Variants in OR5AP2 observed in about 807,000 individuals in gnomAD.
OR5AP2 encodes olfactory receptor 5AP2.
For synonymous variants in OR5AP2, 142 were observed against 140.8 expected (o/e 1.01, Z -0.06); for missense variants, 409 against 378.9 (o/e 1.08, Z -0.66).
chr11:56,642,421 C>A lies in OR5AP2; in HGVS notation c.19G>T (p.Val7Phe). Residue 7 changes from valine to phenylalanine, a missense_variant, in exon 1 of 1, where the codon GTT becomes TTT. Val to Phe is a conservative substitution (Grantham distance 50). Transcript: ENST00000544374. MRLMKE[V>F]RGRNQTEVTE... ...ACTTCTGTTTGATTTCTGCCTCGAA[C>A]CTCTTTCATAAGTCTCATCATTTGA... is the stretch of plus-strand genomic sequence containing the variant. 1 of 1,598,094 alleles carries A rather than the reference C, an allele frequency of 6.3e-7. No individual in the cohort carries two copies. Among genetic ancestry groups the A allele is most frequent in the Non-Finnish European group, 8.5e-7 (1 of 1,177,044 alleles).
chr11:56,642,147 A>G lies in OR5AP2; in HGVS notation c.293T>C (p.Ile98Thr), dbSNP rs376181146. ...LVNLMAENKAISFHGCAAQFY... is the reference protein window; with the variant it reads ...LVNLMAENKATSFHGCAAQFY... ...CTGGGCAGCACATCCATGAAAAGAA[A>G]TGGCCTTATTCTCAGCCATGAGGTT... The change falls in exon 1 of 1, where the codon ATT becomes ACT. Residue 98 changes from isoleucine to threonine, a missense_variant. Transcript: ENST00000544374. 1.1e-5 allele frequency: 17 copies of G among 1,614,082 alleles called. No homozygotes were observed. Among genetic ancestry groups the G allele is most frequent in the Non-Finnish European group, 1.4e-5 (17 of 1,180,038 alleles).
chr11:56,642,166 T>G lies in OR5AP2; in HGVS notation c.274A>C (p.Met92Leu), dbSNP rs1208532739. ...SVTPKMLVNL[M>L]AENKAISFHG... ...AAAGAAATGGCCTTATTCTCAGCCA[T>G]GAGGTTCACCAGCATCTTGGGAGTG... Residue 92 changes from methionine (M) to leucine (L), a missense_variant, in exon 1 of 1, where the codon ATG becomes CTG. Met to Leu is a conservative substitution (Grantham distance 15, BLOSUM62 2). Transcript: ENST00000544374. 1.2e-6 allele frequency: 2 copies of G among 1,614,124 alleles called. No individual in the cohort carries two copies. Among genetic ancestry groups the G allele is most frequent in the East Asian group, 4.5e-5 (2 of 44,880 alleles).
Sources: gnomAD v4.1 joint callset for allele counts on GRCh38, gnomAD v4.1.1 for gene constraint, MANE v1.5 for transcripts, NCBI Gene and HGNC (gene_info 2026-07-23, HGNC 2026-07-21) for gene names.